LRRC69: variants seen among roughly 807,000 people sequenced by gnomAD.
The protein encoded by LRRC69 is leucine-rich repeat-containing protein 69.
LRRC69 carries 42 observed loss-of-function variants against 37.8 expected under a neutral mutation model. The observed-to-expected ratio is 1.11, with a 90% confidence interval of 0.87 to 1.44. LRRC69 has a LOEUF of 1.44. Ranked by LOEUF, LRRC69 falls within the 40% of genes most tolerant of loss-of-function variation. The pLI, the probability that LRRC69 is intolerant of heterozygous loss-of-function variation, is 0.00. For missense variants in LRRC69, 357 were observed against 401.9 expected, an observed-to-expected ratio of 0.89 and a Z score of 0.96; for synonymous variants, 141 against 143.1, an observed-to-expected ratio of 0.99 and a Z score of 0.11.
chr8:91,173,906 C>T (rs529615643), intron 5 of LRRC69, among the ~76,000 whole-genome samples: 1 of 150,848 alleles, frequency 6.6e-6, no homozygotes, highest in Non-Finnish European at 1.5e-5. Context: ...TTTTGGGGGA[C>T]ACAAACATTC....
intron 5 of LRRC69, among the ~76,000 whole-genome samples, chr8:91,181,900 A>C (rs2130599577): frequency 1.3e-5 from 2 of 152,298 alleles, no homozygotes; most frequent in Middle Eastern, 6.8e-3. Flanking sequence ...GTGGAGGCCC[A>C]AAATGGGGAT....
intron 1 of LRRC69, among the ~76,000 whole-genome samples, chr8:91,112,287 C>T (rs986115789): frequency 2.0e-5 from 3 of 152,000 alleles, no homozygotes; most frequent in Non-Finnish European, 4.4e-5. Flanking sequence ...CATGCACTTG[C>T]ACTTCTGACA....
At chr8:91,124,313 A>C (rs559457671) in intron 1 of LRRC69, among the ~76,000 whole-genome samples, 180 bp from the exon 2 acceptor site, 2 of 151,324 alleles carry the variant, frequency 1.3e-5, no homozygotes, top group African/African-American at 4.9e-5. Context: ...TAAAGTGAGC[A>C]TGAAGCTCAA....
At position 91,150,442 on chromosome 8, in the gene LRRC69, A is replaced by T. The variant is rs1266448911; in HGVS notation, c.651+14703A>T. 3.9e-5 allele frequency among the ~76,000 whole-genome samples: 6 copies of T among 151,900 alleles called. No homozygotes were observed. The East Asian group carries it at 1.2e-3, about 29-fold the overall frequency. On this transcript the variant is annotated intron_variant, in intron 5 of 7. Coordinates refer to ENST00000448384, the Ensembl canonical transcript of LRRC69. ...GCATCCCAGAGATGAAGCCCATTTGATCATGGTGGATAAGCTTTTTGATGT... is the reference window on the plus strand; with the variant it reads ...GCATCCCAGAGATGAAGCCCATTTGTTCATGGTGGATAAGCTTTTTGATGT...
chr8:91,118,070 G>C (rs555286247), intron 1 of LRRC69, among the ~76,000 whole-genome samples: 2 of 151,834 alleles, frequency 1.3e-5, no homozygotes, highest in South Asian at 4.2e-4. Context: ...AAATTTCAGA[G>C]AGCCTAAATA....
At chr8:91,120,275 C>A (rs1375697612) in intron 1 of LRRC69, among the ~76,000 whole-genome samples, 1 of 152,026 alleles carries the variant, frequency 6.6e-6, no homozygotes, top group Non-Finnish European at 1.5e-5. Flanking sequence ...TGGGATATGT[C>A]CCAAATTTTC....
chr8:91,202,582 C>T (rs1169048110), intron 7 of LRRC69, among the ~76,000 whole-genome samples: 2 of 152,156 alleles, frequency 1.3e-5, no homozygotes, highest in African/African-American at 4.8e-5. Context: ...GGAAACTGTT[C>T]CAGTAGGAAC....
At chr8:91,107,494 C>A (rs1317642945) in intron 1 of LRRC69, among the ~76,000 whole-genome samples, 1 of 151,874 alleles carries the variant, frequency 6.6e-6, no homozygotes, top group Non-Finnish European at 1.5e-5. Context: ...ATGCTGTTCC[C>A]AAGGATATAG....
intron 5 of LRRC69, chr8:91,158,264 A>C: frequency 1.3e-6 from 2 of 1,548,272 alleles, no homozygotes; most frequent in Non-Finnish European, 1.8e-6. Context: ...TGGCCCCCTG[A>C]TTGTTTGTCG....
Position 91,154,922 on chromosome 8 carries a change from G to A in LRRC69, c.651+19183G>A, listed in dbSNP as rs147577969. ...TAAAGGGTTTTCAAATATGAAAAAG[G>A]AAATCAAATTGTCTCTGTTTGCAGA... On this transcript the variant is annotated intron_variant, in intron 5 of 7. Transcript: ENST00000448384. Among the ~76,000 whole-genome samples, 1,438 of 151,602 alleles carry A rather than the reference G, an allele frequency of 9.5e-3. 17 individuals are homozygous for A. Among genetic ancestry groups the A allele is most frequent in the Non-Finnish European group, 0.016 (1,106 of 67,798 alleles).
chr8:91,123,148 C>T (rs556509103), intron 1 of LRRC69, among the ~76,000 whole-genome samples: 5 of 152,000 alleles, frequency 3.3e-5, no homozygotes, highest in Non-Finnish European at 4.4e-5. Context: ...CTGGAGTTTC[C>T]GGAAAGGAAC....
At chr8:91,184,980 GT>G (rs1390582057) in intron 5 of LRRC69, among the ~76,000 whole-genome samples, 1 of 152,160 alleles carries the variant, frequency 6.6e-6, no homozygotes, top group African/African-American at 2.4e-5. Flanking sequence ...AAACCACTGG[GT>G]GGTTGTAAGA....
At chr8:91,200,701 G>A (rs1809697425) in exon 7 of LRRC69, 1 of 1,533,824 alleles carries the variant, frequency 6.5e-7, no homozygotes, top group East Asian at 2.5e-5. Context: ...CAAGTCAGGA[G>A]CATGATCTCT....
chr8:91,144,329 T>A (rs1808580455), intron 5 of LRRC69, among the ~76,000 whole-genome samples: 2 of 151,930 alleles, frequency 1.3e-5, no homozygotes, highest in South Asian at 4.1e-4. Context: ...CCCCATGTTG[T>A]CTTTGCCCCT....
At chr8:91,127,949 T>C (rs933361096) in intron 3 of LRRC69, among the ~76,000 whole-genome samples, 1 of 152,116 alleles carries the variant, frequency 6.6e-6, no homozygotes, top group Non-Finnish European at 1.5e-5. Context: ...GTATTATTTT[T>C]TCCAAATATA....
intron 7 of LRRC69, among the ~76,000 whole-genome samples, chr8:91,215,157 C>G (rs1810019648): frequency 2.0e-5 from 3 of 152,056 alleles, no homozygotes; most frequent in Admixed American, 6.6e-5. Context: ...CTTGCAATGT[C>G]CCTTTTGCTA....
At chr8:91,140,361 ATGT>A (rs1221891898) in intron 5 of LRRC69, among the ~76,000 whole-genome samples, 1 of 151,898 alleles carries the variant, frequency 6.6e-6, no homozygotes, top group Non-Finnish European at 1.5e-5. Context: ...AAGATTTAAG[ATGT>A]TGTCTTCATT....
chr8:91,190,636 C>G (rs1809477909), intron 6 of LRRC69, among the ~76,000 whole-genome samples: 1 of 152,046 alleles, frequency 6.6e-6, no homozygotes, highest in African/African-American at 2.4e-5. Context: ...TAAAACCAGA[C>G]CATGACATCT....
intron 5 of LRRC69, among the ~76,000 whole-genome samples, chr8:91,139,721 A>AT (rs1052366497): frequency 4.6e-5 from 7 of 151,824 alleles, no homozygotes; most frequent in South Asian, 2.1e-4. Flanking sequence ...CTGTTAAAAC[A>AT]TTTTTTTCAC....
Sources: allele counts gnomAD v4.1 joint callset (sites outside exome capture counted in the v4.1 genomes callset), GRCh38; gene constraint gnomAD v4.1.1; transcripts MANE v1.5; gene names NCBI Gene and HGNC (gene_info 2026-07-23, HGNC 2026-07-21).